Variants in KCND2 observed in about 807,000 individuals in gnomAD.
KCND2 encodes potassium voltage-gated channel subfamily D member 2.
A neutral mutation model predicts 54.4 loss-of-function variants in KCND2; 16 were observed. The ratio of observed to expected loss-of-function variants is 0.29; its 90% CI spans 0.20 to 0.45. The LOEUF is 0.45. Ranked by LOEUF, KCND2 falls within the 20% of genes least tolerant of loss-of-function variation. The pLI is 1.00. For missense variants in KCND2, 486 were observed against 824.2 expected (o/e 0.59, Z 5.02); for synonymous variants, 317 against 310.7 (o/e 1.02, Z -0.21).
At chr7:120,705,422 T>G (rs1167404453) in intron 1 of KCND2, among the ~76,000 whole-genome samples, 1 of 152,188 alleles carries the variant, frequency 6.6e-6, no homozygotes, top group Non-Finnish European at 1.5e-5. Context: ...CAGTTTGCAG[T>G]TAGACTTAGC....
chr7:120,602,468 G>A (rs545742370), intron 1 of KCND2, among the ~76,000 whole-genome samples: 9 of 152,206 alleles, frequency 5.9e-5, no homozygotes, highest in African/African-American at 1.2e-4. Flanking sequence ...ATGACCCAAC[G>A]TCAGCATTGG....
chr7:120,672,156 A>G (rs1259593373), intron 1 of KCND2, among the ~76,000 whole-genome samples: 1 of 152,016 alleles, frequency 6.6e-6, no homozygotes, highest in Non-Finnish European at 1.5e-5. Context: ...TGATTCTTTC[A>G]CAATAATGTA....
chr7:120,463,934 GA>G (rs1802326096), intron 1 of KCND2: 1 of 342,618 alleles, frequency 2.9e-6, no homozygotes, highest in Non-Finnish European at 4.1e-6. Flanking sequence ...TAGATAGATA[GA>G]TAGATAGATC....
chr7:120,453,603 A>G (rs1802148976), intron 1 of KCND2, among the ~76,000 whole-genome samples: 1 of 152,234 alleles, frequency 6.6e-6, no homozygotes, highest in Admixed American at 6.5e-5. Context: ...ATAGAAATCA[A>G]TACTAAGAAA....
chr7:120,396,665 G>C (rs181975345), intron 1 of KCND2, among the ~76,000 whole-genome samples: 2 of 151,166 alleles, frequency 1.3e-5, no homozygotes, highest in Admixed American at 6.6e-5. Flanking sequence ...AGGTTTAAAT[G>C]TGTGTGTGTG....
chr7:120,661,559 A>G (rs1791866041), intron 1 of KCND2, among the ~76,000 whole-genome samples: 1 of 152,110 alleles, frequency 6.6e-6, no homozygotes, highest in Non-Finnish European at 1.5e-5. Flanking sequence ...CTGAGGCACA[A>G]GAATCACTTG....
chr7:120,364,416 T>C (rs1433410219), intron 1 of KCND2, among the ~76,000 whole-genome samples: 1 of 152,118 alleles, frequency 6.6e-6, no homozygotes, highest in Non-Finnish European at 1.5e-5. Flanking sequence ...ATTCACAGAC[T>C]AGGAGGCATA....
At position 120,687,728 on chromosome 7, in the gene KCND2, A is replaced by G. The variant is rs532486997; in HGVS notation, c.1116-45175A>G. Among the ~76,000 whole-genome samples the G allele has an allele frequency of 3.3e-5, 5 of 152,320 alleles. No homozygotes were observed. The East Asian group carries it at 9.6e-4, about 29-fold the overall frequency. ...TGCAATTTTTATTTGTCAATTCAAA[A>G]TACATTTTTTTAAAATGATAAAACA... On this transcript the variant is annotated intron_variant, in intron 1 of 5. Coordinates refer to ENST00000331113, the MANE Select transcript of KCND2 (RefSeq NM_012281.3).
intron 1 of KCND2, among the ~76,000 whole-genome samples, chr7:120,320,063 GAGTGGT>G (rs1799871843): frequency 6.6e-6 from 1 of 152,066 alleles, no homozygotes. Context: ...CAGTTTACCT[GAGTGGT>G]CCTGTTTCAT....
At chr7:120,697,229 T>C (rs991156044) in intron 1 of KCND2, among the ~76,000 whole-genome samples, 9 of 152,356 alleles carry the variant, frequency 5.9e-5, no homozygotes, top group African/African-American at 2.2e-4. Flanking sequence ...TAACTTTTTA[T>C]ACTGCAACCA....
At chr7:120,673,240 G>A (rs567214779) in intron 1 of KCND2, among the ~76,000 whole-genome samples, 23 of 152,192 alleles carry the variant, frequency 1.5e-4, no homozygotes, top group Non-Finnish European at 2.6e-4. Context: ...GTGGTATTTT[G>A]TTATGGCAGC....
At chr7:120,418,684 T>C (rs975322337) in intron 1 of KCND2, among the ~76,000 whole-genome samples, 1 of 152,180 alleles carries the variant, frequency 6.6e-6, no homozygotes. Context: ...CACTGGCATG[T>C]CTGACTCCAA....
chr7:120,706,114 G>A (rs1001998229), intron 1 of KCND2, among the ~76,000 whole-genome samples: 6 of 152,120 alleles, frequency 3.9e-5, no homozygotes, highest in East Asian at 3.9e-4. Flanking sequence ...ATAGTACCCC[G>A]ACATAAAACC....
intron 3 of KCND2, 33 bp downstream of exon 3, chr7:120,741,662 C>A: frequency 2.1e-6 from 3 of 1,435,924 alleles, no homozygotes; most frequent in East Asian, 2.3e-5. Context: ...TTTTAATGTT[C>A]AATTTCTTGG....
chr7:120,462,280 T>C (rs1302167429), intron 1 of KCND2, among the ~76,000 whole-genome samples: 1 of 152,004 alleles, frequency 6.6e-6, no homozygotes, highest in African/African-American at 2.4e-5. Context: ...ATTTGATATC[T>C]GAAGTTGAAT....
intron 1 of KCND2, among the ~76,000 whole-genome samples, chr7:120,722,859 A>G (rs183931621): frequency 8.5e-5 from 13 of 152,260 alleles, no homozygotes; most frequent in Admixed American, 7.2e-4. Flanking sequence ...TCCCCTGGCA[A>G]AGGCACTTGG....
intron 1 of KCND2, among the ~76,000 whole-genome samples, chr7:120,340,959 C>T (rs918914185): frequency 1.1e-4 from 17 of 151,902 alleles, no homozygotes; most frequent in African/African-American, 2.7e-4. Flanking sequence ...AAAATAGTGA[C>T]GCAAAGAAAA....
chr7:120,636,075 C>T (rs1245394518), intron 1 of KCND2, among the ~76,000 whole-genome samples: 1 of 152,138 alleles, frequency 6.6e-6, no homozygotes, highest in Non-Finnish European at 1.5e-5. Flanking sequence ...GGTTCCTGTA[C>T]CTCCCTCTGA....
At chr7:120,390,881 A>G (rs1801063895) in intron 1 of KCND2, among the ~76,000 whole-genome samples, 1 of 151,978 alleles carries the variant, frequency 6.6e-6, no homozygotes, top group Non-Finnish European at 1.5e-5. Flanking sequence ...GCAAACAGAA[A>G]GTTTTTTTAT....
Sources: gnomAD v4.1 joint callset for allele counts (sites outside exome capture counted in the v4.1 genomes callset) on GRCh38, gnomAD v4.1.1 for gene constraint, MANE v1.5 for transcripts, NCBI Gene and HGNC (gene_info 2026-07-23, HGNC 2026-07-21) for gene names.